Variants in CEMIP2 observed in about 807,000 individuals in gnomAD.
CEMIP2 encodes cell surface hyaluronidase CEMIP2.
Under a neutral mutation model 146.9 loss-of-function variants are expected in CEMIP2, and 79 were observed. That is an observed-to-expected ratio of 0.54 (90% CI 0.45 to 0.65). The LOEUF (loss-of-function observed/expected upper bound fraction) is 0.65, where lower values mean the gene tolerates loss of function less well. Ranked by LOEUF, CEMIP2 falls within the 30% of genes least tolerant of loss-of-function variation. CEMIP2 has a pLI of 0.00. For missense variants in CEMIP2, 1,596 were observed against 1,696.2 expected (o/e 0.94, Z 1.04); for synonymous variants, 601 against 606.3 (o/e 0.99, Z 0.13).
intron 18 of CEMIP2, 87 bp from the exon 19 acceptor site, chr9:71,700,911 T>C (rs1221880140): frequency 2.1e-5 from 26 of 1,212,672 alleles, no homozygotes; most frequent in Non-Finnish European, 2.8e-5. Flanking sequence ...CTGTCCTTCA[T>C]GTGCCACTTC....
rs765571702 is a variant in CEMIP2, at chr9:71,740,186, A to C, written c.1081T>G (p.Cys361Gly). 15 of 1,613,892 alleles carry C rather than the reference A, an allele frequency of 9.3e-6. No homozygotes were observed. Among genetic ancestry groups the C allele is most frequent in the African/African-American group, 1.3e-5 (1 of 74,928 alleles). ...VGVIDGGSTSCNESVRNYENH... is the reference protein window; with the variant it reads ...VGVIDGGSTSGNESVRNYENH... ...TCATAGTTTCTCACGGATTCATTGC[A>C]AGAAGTGCTTCCACCATCAATGACA... is the stretch of plus-strand genomic sequence containing the variant. Residue 361 changes from cysteine (C) to glycine (G), a missense_variant, in exon 5 of 24, where the codon TGC (cysteine) becomes GGC (glycine). By Grantham distance (159) the Cys-to-Gly change is radical. Transcript: ENST00000377044.
Position 71,734,819 on chromosome 9 carries a change from C to A in CEMIP2, c.1380G>T (p.Gln460His). The change falls in exon 6 of 24, where the codon CAG becomes CAT. Residue 460 changes from glutamine (Q) to histidine (H), a missense_variant. Physicochemically the swap from Gln to His is conservative, Grantham distance 24. Transcript: ENST00000377044. ...GCAGTTTAATACCTTTGACTTTGAC[C>A]TGAAAATGGCTGCATTCAGAACAGG... ...LLPCSECSHF[Q>H]VKVKETPQFL... is the part of the protein sequence containing the mutation. 2 of 1,606,738 alleles carry A rather than the reference C, an allele frequency of 1.2e-6. No individual in the cohort carries two copies. Among genetic ancestry groups the A allele is most frequent in the African/African-American group, 1.3e-5 (1 of 74,688 alleles).
At chr9:71,720,712 T>C (rs1188483567) in intron 12 of CEMIP2, among the ~76,000 whole-genome samples, 1 of 152,202 alleles carries the variant, frequency 6.6e-6, no homozygotes, top group Non-Finnish European at 1.5e-5. Context: ...TTTTTATCAT[T>C]TTTACCATGT....
Position 71,745,515 on chromosome 9 carries a change from G to T in CEMIP2, c.537C>A (p.Ile179=). 6.2e-7 allele frequency: 1 copy of T among 1,613,646 alleles called. No homozygotes were observed. The highest frequency in any genetic ancestry group is 8.5e-7 in the Non-Finnish European group (1 of 1,180,008). The change falls in exon 4 of 24, where the codon ATC becomes ATA. Residue 179 remains isoleucine (I), a synonymous_variant. Transcript: ENST00000377044. ...GAAGCGCCCCACCATCCTGGATCAGGATGTAATGAGTCCTCAAAGTAATAT... is the reference window on the plus strand; with the variant it reads ...GAAGCGCCCCACCATCCTGGATCAGTATGTAATGAGTCCTCAAAGTAATAT... The part of the protein sequence containing the change: ...SRNITLRTHY[I]LIQDGGALHI...
chr9:71,697,920 C>G, intron 20 of CEMIP2, 65 bp downstream of exon 20: 1 of 1,501,190 alleles, frequency 6.7e-7, no homozygotes, highest in Non-Finnish European at 9.1e-7. Flanking sequence ...GAAAAGTGCT[C>G]CTATTGCAAA....
chr9:71,716,464 A>C (rs1823060454), intron 14 of CEMIP2, 53 bp downstream of exon 14: 1 of 1,408,224 alleles, frequency 7.1e-7, no homozygotes, highest in Non-Finnish European at 9.8e-7. Context: ...AAAAAAAATC[A>C]AGGGTTATTT....
At chr9:71,715,650 T>TATATA (rs1823034973) in intron 14 of CEMIP2, among the ~76,000 whole-genome samples, 4 of 49,374 alleles carry the variant, frequency 8.1e-5, no homozygotes, top group East Asian at 8.9e-4. Flanking sequence ...ATATATATAC[T>TATATA]TTTTTTTTTT....
rs1554684803 is a variant in CEMIP2, at chr9:71,728,302, C to CGTATATATATATATATAT, written c.2049+1542_2049+1543insATATATATATATATATAC. Among the ~76,000 whole-genome samples, 29 of 11,572 alleles carry CGTATATATATATATATAT rather than the reference C, an allele frequency of 2.5e-3. 4 individuals carry two copies. The highest frequency in any genetic ancestry group is 3.5e-3 in the South Asian group (1 of 284). The allele number at this position is 11,572 out of a possible 152,430, so 7.6% of individuals were successfully genotyped here. ...ATATGTATATATATATATATATATA[C>CGTATATATATATATATAT]ATATATATATATATACGTATATATA... On this transcript the variant is annotated intron_variant, in intron 10 of 23. Transcript: ENST00000377044.
intron 22 of CEMIP2, 52 bp from the exon 23 acceptor site, chr9:71,685,898 T>C: frequency 7.8e-7 from 1 of 1,289,312 alleles, no homozygotes; most frequent in Non-Finnish European, 1.1e-6. Context: ...TCAGCATGAG[T>C]ATCTTTCTAC....
chr9:71,709,667 TGGG>T (rs536902877), intron 16 of CEMIP2, among the ~76,000 whole-genome samples, 193 bp from the exon 17 acceptor site: 1 of 152,170 alleles, frequency 6.6e-6, no homozygotes, highest in Non-Finnish European at 1.5e-5. Context: ...ATGCTGGGGT[TGGG>T]GGGAATTTCC....
intron 1 of CEMIP2, among the ~76,000 whole-genome samples, chr9:71,764,420 G>GA (rs138071447): frequency 5.0e-4 from 71 of 140,658 alleles, no homozygotes; most frequent in East Asian, 1.2e-3. Flanking sequence ...ATCTGAGAAA[G>GA]AAAAAAAAAA....
At position 71,700,809 on chromosome 9, in the gene CEMIP2, T is replaced by C. The variant is rs1387415174; in HGVS notation, c.3210A>G (p.Arg1070=). 6.2e-7 allele frequency: 1 copy of C among 1,605,736 alleles called. No individual in the cohort carries two copies. The highest frequency in any genetic ancestry group is 8.5e-7 in the Non-Finnish European group (1 of 1,178,010). Residue 1070 remains arginine (R), a synonymous_variant, in exon 19 of 24, where the codon CGA becomes CGG. Transcript: ENST00000377044. Reference sequence around the variant, plus strand: ...TGTTTGATGGATAGCAAAGGCCAACTCGAATCCAGTCATTCCTTTAAAGGA... The same window carrying C: ...TGTTTGATGGATAGCAAAGGCCAACCCGAATCCAGTCATTCCTTTAAAGGA... ...LVNFNKNDWI[R]VGLCYPSNTS...
chr9:71,709,207 G>C, intron 17 of CEMIP2, 52 bp downstream of exon 17: 1 of 1,555,252 alleles, frequency 6.4e-7, no homozygotes, highest in East Asian at 2.2e-5. Context: ...CACAGAAGCA[G>C]TGCTGGCAGG....
chr9:71,712,088 G>A lies in CEMIP2; in HGVS notation c.2764C>T (p.Pro922Ser), dbSNP rs761740920. ...GAACTACAGAACATACTTACATGTG[G>A]ACCAAACTTCACGAGGGAGATATTA... ...RNNISLVKFG[P>S]HVSLNVFFGK... The change falls in exon 16 of 24, where the codon CCA (proline) becomes TCA (serine). Residue 922 changes from proline (P) to serine (S), a missense_variant. By Grantham distance (74) the Pro-to-Ser change is moderately conservative. Transcript: ENST00000377044. 1 of 1,613,910 alleles carries A rather than the reference G, an allele frequency of 6.2e-7. No individual in the cohort carries two copies. Among genetic ancestry groups the A allele is most frequent in the East Asian group, 2.2e-5 (1 of 44,880 alleles).
intron 1 of CEMIP2, among the ~76,000 whole-genome samples, chr9:71,756,991 T>G (rs1414398553): frequency 6.6e-6 from 1 of 152,218 alleles, no homozygotes; most frequent in African/African-American, 2.4e-5. Flanking sequence ...TCAAAACTAG[T>G]AGGAGCTCTT....
At chr9:71,715,645 T>TATATATATAC (rs1488275927) in intron 14 of CEMIP2, among the ~76,000 whole-genome samples, 1 of 143,964 alleles carries the variant, frequency 6.9e-6, no homozygotes, top group Non-Finnish European at 1.5e-5. Context: ...TATATATATA[T>TATATATATAC]ATACTTTTTT....
intron 1 of CEMIP2, among the ~76,000 whole-genome samples, chr9:71,756,726 A>G (rs996686412): frequency 1.3e-5 from 2 of 152,208 alleles, no homozygotes; most frequent in African/African-American, 2.4e-5. Context: ...CAATTCTAGT[A>G]TGAAAACTAA....
At chr9:71,689,406 T>A (rs1294330331) in intron 22 of CEMIP2, among the ~76,000 whole-genome samples, 3 of 152,218 alleles carry the variant, frequency 2.0e-5, no homozygotes, top group African/African-American at 7.2e-5. Flanking sequence ...GAAAACACCC[T>A]GAGTTCATCT....
In CEMIP2 at chr9:71,732,537, AG is replaced by A; in HGVS notation, c.1394-18del. On this transcript the variant is annotated intron_variant, in intron 6 of 23. Coordinates refer to ENST00000377044, the MANE Select transcript of CEMIP2 (RefSeq NM_013390.3). ...GAGGGGTTTCTGGTTGATATGAGCA[AG>A]GAAAAAAAAGAATATTAGAACAAAG... 1.3e-6 allele frequency: 2 copies of A among 1,571,252 alleles called. No individual in the cohort carries two copies. Among genetic ancestry groups the A allele is most frequent in the Admixed American group, 2.1e-5 (1 of 47,450 alleles).
Sources: gnomAD v4.1 joint callset for allele counts (sites outside exome capture counted in the v4.1 genomes callset) on GRCh38, gnomAD v4.1.1 for gene constraint, MANE v1.5 for transcripts, NCBI Gene and HGNC (gene_info 2026-07-23, HGNC 2026-07-21) for gene names.